The following PTPRD variants were observed in gnomAD, a reference collection of about 807,000 sequenced individuals.
The protein encoded by PTPRD is protein tyrosine phosphatase receptor type D, also known as receptor-type tyrosine-protein phosphatase delta.
Under a neutral mutation model 214.5 loss-of-function variants are expected in PTPRD, and 34 were observed. The ratio of observed to expected loss-of-function variants is 0.16; its 90% CI spans 0.12 to 0.21. PTPRD has a LOEUF of 0.21. Ranked by LOEUF, PTPRD falls within the 10% of genes least tolerant of loss-of-function variation. PTPRD has a pLI of 1.00. For synonymous variants in PTPRD, 1,128 were observed against 845.7 expected, an observed-to-expected ratio of 1.33 and a Z score of -5.79; for missense variants, 2,545 against 2,398.7, an observed-to-expected ratio of 1.06 and a Z score of -1.27.
Position 9,677,522 on chromosome 9 carries a change from T to C in PTPRD, c.-287+57011A>G, listed in dbSNP as rs191417061. On this transcript the variant is annotated intron_variant, in intron 7 of 45. Coordinates refer to ENST00000381196, the MANE Select transcript of PTPRD (RefSeq NM_002839.4). ...GGCCTTTGACAAAATTCAACAACAC[T>C]TCATGCTAAAAACTCTCAATAAATT... 2.8e-3 allele frequency among the ~76,000 whole-genome samples: 431 copies of C among 152,236 alleles called. 4 individuals carry two copies. Among genetic ancestry groups the C allele is most frequent in the African/African-American group, 9.6e-3 (397 of 41,554 alleles).
At chr9:9,374,019 T>G (rs2139960772) in intron 9 of PTPRD, among the ~76,000 whole-genome samples, 1 of 152,186 alleles carries the variant, frequency 6.6e-6, no homozygotes, top group East Asian at 1.9e-4. Context: ...AGCTTATCAT[T>G]TATTACAATT....
intron 39 of PTPRD, among the ~76,000 whole-genome samples, chr9:8,362,818 C>G (rs144679985): frequency 6.6e-6 from 1 of 152,176 alleles, no homozygotes; most frequent in South Asian, 2.1e-4. Context: ...GTGACTTGCA[C>G]AAGATCATAC....
intron 2 of PTPRD, among the ~76,000 whole-genome samples, chr9:10,398,474 T>C (rs2098214177): frequency 6.6e-6 from 1 of 151,944 alleles, no homozygotes; most frequent in Non-Finnish European, 1.5e-5. Flanking sequence ...CAGCTTTCAA[T>C]GCATTTTGCT....
At chr9:8,329,144 G>A (rs1399405336) in intron 44 of PTPRD, among the ~76,000 whole-genome samples, 2 of 152,118 alleles carry the variant, frequency 1.3e-5, no homozygotes, top group East Asian at 3.9e-4. Flanking sequence ...TTTTTGTGCT[G>A]GTTTCTCCCC....
chr9:8,596,160 G>T (rs1253897893), intron 14 of PTPRD, among the ~76,000 whole-genome samples: 1 of 151,802 alleles, frequency 6.6e-6, no homozygotes, highest in Non-Finnish European at 1.5e-5. Context: ...ATCATTGTAA[G>T]ATATAAAATA....
At chr9:10,208,594 T>C (rs977862520) in intron 3 of PTPRD, among the ~76,000 whole-genome samples, 22 of 152,368 alleles carry the variant, frequency 1.4e-4, no homozygotes, top group African/African-American at 5.0e-4. Context: ...ACTGCAGTTT[T>C]ATCCAGAAGT....
At chr9:10,199,901 G>T (rs964352008) in intron 3 of PTPRD, among the ~76,000 whole-genome samples, 1 of 149,920 alleles carries the variant, frequency 6.7e-6, no homozygotes, top group Admixed American at 6.6e-5. Flanking sequence ...GGGCACTCGC[G>T]CGCACACACG....
At chr9:9,484,232 C>A (rs866097767) in intron 8 of PTPRD, among the ~76,000 whole-genome samples, 6 of 151,048 alleles carry the variant, frequency 4.0e-5, no homozygotes, top group African/African-American at 1.2e-4. Context: ...ACAAATGAAA[C>A]CTTCTGGTCA....
At chr9:10,286,701 A>G (rs1329978336) in intron 3 of PTPRD, among the ~76,000 whole-genome samples, 1 of 152,054 alleles carries the variant, frequency 6.6e-6, no homozygotes, top group African/African-American at 2.4e-5. Context: ...ATGTTCAAGC[A>G]ATTCTCCTTG....
At chr9:9,072,021 C>T (rs1591049397) in intron 10 of PTPRD, among the ~76,000 whole-genome samples, 1 of 152,094 alleles carries the variant, frequency 6.6e-6, no homozygotes, top group Non-Finnish European at 1.5e-5. Context: ...GAGCTCCTGC[C>T]AGACCGAAGA....
At chr9:10,551,834 C>A (rs2061431322) in intron 2 of PTPRD, among the ~76,000 whole-genome samples, 1 of 152,114 alleles carries the variant, frequency 6.6e-6, no homozygotes. Context: ...AGAAAAAAAA[C>A]TAGTGAAAAA....
chr9:9,149,708 T>A (rs1175301776), intron 10 of PTPRD, among the ~76,000 whole-genome samples: 1 of 152,206 alleles, frequency 6.6e-6, no homozygotes, highest in African/African-American at 2.4e-5. Flanking sequence ...AATTTCCAAA[T>A]GAAAACATAG....
intron 7 of PTPRD, among the ~76,000 whole-genome samples, chr9:9,689,232 A>G (rs781380402): frequency 6.6e-6 from 1 of 151,878 alleles, no homozygotes; most frequent in African/African-American, 2.4e-5. Flanking sequence ...TAAAATCAGT[A>G]AAATAATTCC....
At chr9:9,815,988 A>G (rs1489004583) in intron 5 of PTPRD, among the ~76,000 whole-genome samples, 3 of 152,182 alleles carry the variant, frequency 2.0e-5, no homozygotes, top group Non-Finnish European at 2.9e-5. Context: ...TTGCAAAGCG[A>G]AAGTACACAC....
At chr9:9,212,359 A>G (rs974217488) in intron 9 of PTPRD, among the ~76,000 whole-genome samples, 2 of 152,134 alleles carry the variant, frequency 1.3e-5, no homozygotes, top group African/African-American at 4.8e-5. Flanking sequence ...ATTTTTCCCT[A>G]TGCTGAAACA....
At chr9:9,044,797 TA>T (rs1569498912) in intron 10 of PTPRD, among the ~76,000 whole-genome samples, 1 of 152,190 alleles carries the variant, frequency 6.6e-6, no homozygotes, top group East Asian at 1.9e-4. Flanking sequence ...TTCTGGAAAT[TA>T]ATTACCATTT....
rs184743879 is a variant in PTPRD at position 9,653,032 on chromosome 9, C to A, written c.-286-78251G>T. Among the ~76,000 whole-genome samples, 360 of 150,888 alleles carry A rather than the reference C, an allele frequency of 2.4e-3. 1 individual carries two copies. The highest frequency in any genetic ancestry group is 8.7e-3 in the African/African-American group (350 of 40,306). On this transcript the variant is annotated intron_variant, in intron 7 of 45. Transcript: ENST00000381196. ...TTAATCAAAGCCCCTATTTTTCCTT[C>A]AAATAATGCCCTTTAAAAAGTGCCT...
At chr9:8,608,693 G>C (rs1564689558) in intron 14 of PTPRD, among the ~76,000 whole-genome samples, 7 of 152,120 alleles carry the variant, frequency 4.6e-5, no homozygotes. Flanking sequence ...TGCCATTAGA[G>C]TACTGACGGC....
intron 2 of PTPRD, among the ~76,000 whole-genome samples, chr9:10,511,663 C>T (rs1407799184): frequency 6.6e-6 from 1 of 150,752 alleles, no homozygotes; most frequent in Non-Finnish European, 1.5e-5. Context: ...ATCCACCCGC[C>T]TAGGCCTCCC....
Sources: allele counts gnomAD v4.1 joint callset (sites outside exome capture counted in the v4.1 genomes callset), GRCh38; gene constraint gnomAD v4.1.1; transcripts MANE v1.5; gene names NCBI Gene and HGNC (gene_info 2026-07-23, HGNC 2026-07-21).